Variants in SNURF observed in about 807,000 individuals in gnomAD.
SNURF encodes SNRPN upstream open reading frame.
In SNURF, 6 loss-of-function variants were observed where a neutral mutation model predicts 11.6. The observed-to-expected ratio is 0.52, with a 90% CI of 0.28 to 1.02. SNURF has a LOEUF of 1.02. SNURF is among the 50% of genes least tolerant of loss of function. The pLI, the probability that SNURF is intolerant of heterozygous loss-of-function variation, is 0.09. For synonymous variants in SNURF, 29 were observed against 31.6 expected (o/e 0.92, Z 0.27); for missense variants, 84 against 88.4 (o/e 0.95, Z 0.20).
At chr15:24,975,041 A>G (rs1378562343) in intron 3 of SNURF, 15 of 698,164 alleles carry the variant, frequency 2.1e-5, no homozygotes, top group Non-Finnish European at 3.7e-5. Context: ...GTCTGGAGAG[A>G]GAGAACACCC....
At chr15:24,961,035 C>G (rs2074714909) in intron 1 of SNURF, among the ~76,000 whole-genome samples, 1 of 151,954 alleles carries the variant, frequency 6.6e-6, no homozygotes. Flanking sequence ...TTTTCCTATT[C>G]TGGTTATCCT....
chr15:24,974,955 C>G (rs1450190635), intron 3 of SNURF: 2 of 702,954 alleles, frequency 2.8e-6, no homozygotes, highest in Admixed American at 4.0e-5. Context: ...GATGGACTCT[C>G]AGGTCAGATT....
intron 1 of SNURF, among the ~76,000 whole-genome samples, chr15:24,957,267 T>C (rs1236487210): frequency 6.6e-6 from 1 of 152,202 alleles, no homozygotes; most frequent in Non-Finnish European, 1.5e-5. Flanking sequence ...TTGAAAGGTG[T>C]TTCAAACACT....
At chr15:24,966,987 T>C (rs1351890659) in intron 2 of SNURF, 2 of 152,144 alleles carry the variant, frequency 1.3e-5, no homozygotes, top group East Asian at 3.9e-4. Flanking sequence ...GGTTTACATA[T>C]TTTAAGAGCC....
rs963220051 is a variant in SNURF, at chr15:24,968,080, C to G, written c.*43C>G. ...GAGGAATCTGATTCCAAGCAAAAAC[C>G]AGGTTAGAGCTAATGCAGCAATGAT... On this transcript the variant is annotated 3_prime_UTR_variant, in exon 3 of 3. Transcript: ENST00000577949. The G allele has an allele frequency of 2.0e-6, 3 of 1,514,802 alleles. No individual in the cohort carries two copies. In the African/African-American group the frequency reaches 4.1e-5, roughly 21 times the overall value. The allele number at this position is 1,514,802 out of a possible 1,614,324, so 93.8% of individuals were successfully genotyped here.
At chr15:24,959,209 A>G (rs542271492) in intron 1 of SNURF, among the ~76,000 whole-genome samples, 59 of 152,222 alleles carry the variant, frequency 3.9e-4, no homozygotes, top group Non-Finnish European at 2.4e-4. Context: ...CCTCAGTTTC[A>G]TAAAATGTTG....
At chr15:24,967,167 A>G (rs1194609817) in intron 2 of SNURF, 1 of 152,210 alleles carries the variant, frequency 6.6e-6, no homozygotes, top group Non-Finnish European at 1.5e-5. Context: ...GTGACTATAT[A>G]TGGTACTGAT....
chr15:24,968,667 A>G (rs186562025), downstream of SNURF: 103 of 152,608 alleles, frequency 6.7e-4, no homozygotes, highest in South Asian at 1.2e-3. Context: ...ATAAATACAC[A>G]GCACATAATT....
At chr15:24,976,412 A>G in exon 5 of SNURF, 1 of 1,600,650 alleles carries the variant, frequency 6.2e-7, no homozygotes, top group Non-Finnish European at 8.6e-7. Flanking sequence ...CCACCCCCCA[A>G]AGATGTAAGG....
At chr15:24,969,454 C>G (rs1007485290), downstream of SNURF, among the ~76,000 whole-genome samples, 1 of 152,062 alleles carries the variant, frequency 6.6e-6, no homozygotes, top group African/African-American at 2.4e-5. Flanking sequence ...TCAAAGGAGA[C>G]AGAAATTTTC....
intron 2 of SNURF, among the ~76,000 whole-genome samples, chr15:24,965,441 G>A (rs1017989934): frequency 6.6e-6 from 1 of 152,198 alleles, no homozygotes; most frequent in African/African-American, 2.4e-5. Context: ...GGAGGCTGAG[G>A]TGGAAGAATC....
rs71127030 is a variant in SNURF, at chr15:24,958,486, GTTTTTTTTTTTTTTTTTT to G, written c.14+3441_14+3458del. 2.9e-3 allele frequency among the ~76,000 whole-genome samples: 190 copies of G among 65,308 alleles called. 1 individual carries two copies. The highest frequency in any genetic ancestry group is 7.7e-3 in the African/African-American group (140 of 18,276). 42.8% of individuals were successfully genotyped at this position (65,308 alleles called of 152,430 possible). ...ATTTCTGGATGCTAGCTGGCTCAAA[GTTTTTTTTTTTTTTTTTT>G]TTTTTTTTTTTTTTTTAAATAGACC... On this transcript the variant is annotated intron_variant, in intron 1 of 2. Transcript: ENST00000577949.
At chr15:24,960,712 G>A (rs908544571) in intron 1 of SNURF, among the ~76,000 whole-genome samples, 9 of 152,096 alleles carry the variant, frequency 5.9e-5, no homozygotes, top group Non-Finnish European at 1.2e-4. Flanking sequence ...TTTACCCATC[G>A]TAGCAATAGA....
At chr15:24,977,886 C>A, downstream of SNURF, 1 of 1,590,898 alleles carries the variant, frequency 6.3e-7, no homozygotes, top group Non-Finnish European at 8.6e-7. Context: ...CACTCCGCCC[C>A]CACCCGTCGG....
intron 1 of SNURF, among the ~76,000 whole-genome samples, chr15:24,958,367 C>T (rs1460265014): frequency 6.8e-6 from 1 of 147,842 alleles, no homozygotes; most frequent in Non-Finnish European, 1.5e-5. Flanking sequence ...TTATTTAGAC[C>T]TGTCACTGGT....
At chr15:24,970,172 A>G (rs372921572), downstream of SNURF, among the ~76,000 whole-genome samples, 15 of 152,236 alleles carry the variant, frequency 9.9e-5, no homozygotes, top group East Asian at 2.7e-3. Flanking sequence ...TCTAAGAGTC[A>G]TGTTAAAGTC....
chr15:24,969,366 T>C (rs2076110132), downstream of SNURF, among the ~76,000 whole-genome samples: 1 of 145,260 alleles, frequency 6.9e-6, no homozygotes, highest in African/African-American at 2.5e-5. Flanking sequence ...TGAACTCAGG[T>C]GATCCACCTG....
intron 1 of SNURF, among the ~76,000 whole-genome samples, chr15:24,957,695 A>C (rs2153409183): frequency 6.6e-6 from 1 of 152,356 alleles, no homozygotes; most frequent in East Asian, 1.9e-4. Context: ...AGTTTTAAAA[A>C]TAGCAGGAGT....
In SNURF at chr15:24,977,667, A is replaced by G. The variant is rs1488111713; in HGVS notation, c.*463-111A>G. On this transcript the variant is annotated intron_variant and NMD_transcript_variant, in intron 6 of 6. Coordinates refer to the SNURF transcript ENST00000580062. ...AAAACATGGGAATAATGAGAGAAGT[A>G]CATTGCAACAGTTGTTTGTAACTAA... is the stretch of plus-strand genomic sequence containing the variant. 3.8e-6 allele frequency: 4 copies of G among 1,048,772 alleles called. No individual in the cohort carries two copies. The African/African-American group carries it at 6.5e-5, about 17-fold the overall frequency. The allele number at this position is 1,048,772 out of a possible 1,614,324, so 65.0% of individuals were successfully genotyped here.
Sources: gnomAD v4.1 joint callset for allele counts (sites outside exome capture counted in the v4.1 genomes callset) on GRCh38, gnomAD v4.1.1 for gene constraint, MANE v1.5 for transcripts, NCBI Gene and HGNC (gene_info 2026-07-23, HGNC 2026-07-21) for gene names.